The following JAZF1 variants were observed in gnomAD, a reference collection of about 807,000 sequenced individuals.
The protein encoded by JAZF1 is JAZF zinc finger 1.
In JAZF1, 8 loss-of-function variants were observed where a neutral mutation model predicts 26.4. The ratio of observed to expected loss-of-function variants is 0.30; its 90% CI spans 0.18 to 0.55. The LOEUF (loss-of-function observed/expected upper bound fraction) is 0.55, where lower values mean the gene tolerates loss of function less well. Among genes scored for constraint, JAZF1 ranks in the 20% least tolerant of loss-of-function variants. JAZF1 has a pLI of 0.94. For synonymous variants in JAZF1, 126 were observed against 122.3 expected (o/e 1.03, Z -0.20); for missense variants, 199 against 322.0 (o/e 0.62, Z 2.92).
intron 2 of JAZF1, among the ~76,000 whole-genome samples, chr7:27,982,314 G>A (rs1285716082): frequency 1.1e-5 from 1 of 93,812 alleles, no homozygotes; most frequent in Non-Finnish European, 2.3e-5. Context: ...TCCCGCGCAT[G>A]GCTCAGAGGG....
intron 1 of JAZF1, among the ~76,000 whole-genome samples, chr7:28,044,492 C>T (rs1365643404): frequency 3.9e-5 from 6 of 152,148 alleles, no homozygotes; most frequent in South Asian, 2.1e-4. Context: ...CCCCTTCCTC[C>T]CAACTGTCTG....
chr7:28,090,150 T>C (rs1055562843), intron 1 of JAZF1, among the ~76,000 whole-genome samples: 3 of 152,188 alleles, frequency 2.0e-5, no homozygotes, highest in Non-Finnish European at 2.9e-5. Flanking sequence ...AACCACACTT[T>C]CCTCAACTTA....
At chr7:27,846,587 T>C (rs907242223) in intron 3 of JAZF1, 3 of 470,410 alleles carry the variant, frequency 6.4e-6, no homozygotes, top group African/African-American at 4.0e-5. Flanking sequence ...TTGGGTCATA[T>C]GGTTAGCTCT....
chr7:28,135,669 C>T (rs1299206832), intron 1 of JAZF1, among the ~76,000 whole-genome samples: 2 of 152,118 alleles, frequency 1.3e-5, no homozygotes, highest in Non-Finnish European at 2.9e-5. Context: ...TCAAAAGAGG[C>T]AATTACTTTT....
chr7:28,113,101 T>G (rs1784687943), intron 1 of JAZF1, among the ~76,000 whole-genome samples: 1 of 152,150 alleles, frequency 6.6e-6, no homozygotes, highest in Non-Finnish European at 1.5e-5. Flanking sequence ...CATTCAGAGA[T>G]GACACAGCCT....
rs531420166 is a variant in JAZF1 at position 27,939,658 on chromosome 7, G to T, written c.189-44242C>A. Among the ~76,000 whole-genome samples the T allele has an allele frequency of 1.6e-4, 25 of 152,072 alleles. No individual in the cohort carries two copies. The South Asian group carries it at 4.4e-3, about 27-fold the overall frequency. ...GAAGAAATGGCTGTGGCCTCCTAGA[G>T]GGGGAAGACCCTGTATGTAAGGCCA... On this transcript the variant is annotated intron_variant, in intron 2 of 4. Transcript: ENST00000283928.
chr7:27,998,025 A>AGAAC (rs1786052993), intron 1 of JAZF1, among the ~76,000 whole-genome samples: 1 of 111,218 alleles, frequency 9.0e-6, no homozygotes, highest in African/African-American at 3.4e-5. Context: ...AATGGGGGGA[A>AGAAC]GAAGGAAGGA....
At chr7:28,022,509 T>C (rs1419140552) in intron 1 of JAZF1, among the ~76,000 whole-genome samples, 1 of 152,180 alleles carries the variant, frequency 6.6e-6, no homozygotes, top group African/African-American at 2.4e-5. Flanking sequence ...TAAAAAATAA[T>C]AACATTTATA....
intron 1 of JAZF1, among the ~76,000 whole-genome samples, chr7:28,117,103 T>C (rs536198563): frequency 9.9e-5 from 15 of 152,246 alleles, no homozygotes; most frequent in Admixed American, 2.0e-4. Context: ...AAAGTCATTT[T>C]CTTATTCATT....
intron 1 of JAZF1, among the ~76,000 whole-genome samples, chr7:28,079,045 A>T (rs192232307): frequency 2.1e-4 from 32 of 151,350 alleles, no homozygotes; most frequent in Non-Finnish European, 4.6e-4. Context: ...CTGGAGTGCA[A>T]GTGGCGTGAT....
chr7:27,833,082 TAG>T lies in JAZF1; in HGVS notation c.556-108_556-107del, dbSNP rs563477613. 451 of 830,668 alleles carry T rather than the reference TAG, an allele frequency of 5.4e-4. 1 individual carries two copies. In the African/African-American group the frequency reaches 7.0e-3, roughly 13 times the overall value. The allele number at this position is 830,668 out of a possible 1,614,324, so 51.5% of individuals were successfully genotyped here. A position where few individuals can be genotyped will look rare whatever the true frequency, so the allele number is the denominator to read the frequency against. ...TTGCAGTTCCTGGATGGCAGCTGTT[TAG>T]AGTGTAGTCTTTTGCAAGGACTCCA... On this transcript the variant is annotated intron_variant, in intron 4 of 4. Coordinates refer to ENST00000283928, the MANE Select transcript of JAZF1 (RefSeq NM_175061.4).
chr7:28,064,849 C>A (rs993416113), intron 1 of JAZF1, among the ~76,000 whole-genome samples: 1 of 152,042 alleles, frequency 6.6e-6, no homozygotes, highest in Non-Finnish European at 1.5e-5. Flanking sequence ...CATTTCTTGA[C>A]CAGCTTAACA....
chr7:27,985,106 G>A (rs1025723731), intron 2 of JAZF1, among the ~76,000 whole-genome samples: 3 of 152,142 alleles, frequency 2.0e-5, no homozygotes, highest in Non-Finnish European at 4.4e-5. Context: ...TAAGATCAGA[G>A]CAGAACTGAA....
intron 1 of JAZF1, among the ~76,000 whole-genome samples, chr7:28,036,576 G>A (rs1783298491): frequency 6.6e-6 from 1 of 152,208 alleles, no homozygotes; most frequent in Non-Finnish European, 1.5e-5. Flanking sequence ...ACTGGAGGAG[G>A]TAGGGTCATC....
At chr7:28,094,106 AG>A (rs1167397548) in intron 1 of JAZF1, among the ~76,000 whole-genome samples, 5 of 152,250 alleles carry the variant, frequency 3.3e-5, no homozygotes, top group African/African-American at 1.2e-4. Flanking sequence ...GGTTCAAAAT[AG>A]GGTAAGGCTA....
intron 3 of JAZF1, chr7:27,842,943 A>G (rs1193237825): frequency 6.6e-6 from 1 of 152,304 alleles, no homozygotes; most frequent in African/African-American, 2.4e-5. Context: ...GAAGCCCAAC[A>G]GAAGAGAAAA....
At chr7:28,034,469 TACACACACAC>T (rs59979673) in intron 1 of JAZF1, among the ~76,000 whole-genome samples, 28 of 145,394 alleles carry the variant, frequency 1.9e-4, no homozygotes, top group African/African-American at 3.5e-4. Context: ...AGAAAACTAA[TACACACACAC>T]ACACACACAC....
At chr7:27,868,422 C>T (rs1365042107) in intron 3 of JAZF1, among the ~76,000 whole-genome samples, 1 of 152,224 alleles carries the variant, frequency 6.6e-6, no homozygotes, top group Non-Finnish European at 1.5e-5. Flanking sequence ...CCATCCCCCT[C>T]TCCAGATTCC....
At chr7:28,034,981 G>A (rs1298069515) in intron 1 of JAZF1, among the ~76,000 whole-genome samples, 2 of 152,034 alleles carry the variant, frequency 1.3e-5, no homozygotes, top group Admixed American at 1.3e-4. Flanking sequence ...AAGACATGAA[G>A]GCTGAGCCGT....
Sources: allele counts gnomAD v4.1 joint callset (sites outside exome capture counted in the v4.1 genomes callset), GRCh38; gene constraint gnomAD v4.1.1; transcripts MANE v1.5; gene names NCBI Gene and HGNC (gene_info 2026-07-23, HGNC 2026-07-21).